The following KIF1B variants were observed in gnomAD, a reference collection of about 807,000 sequenced individuals.
The protein encoded by KIF1B is kinesin-like protein KIF1B.
In KIF1B, 76 loss-of-function variants were observed where a neutral mutation model predicts 241.9. The ratio of observed to expected loss-of-function variants is 0.31; its 90% confidence interval spans 0.26 to 0.38. KIF1B has a LOEUF of 0.38. KIF1B is among the 10% of genes least tolerant of loss of function. The pLI is 1.00. For missense variants in KIF1B, 1,622 were observed against 2,271.4 expected, an observed-to-expected ratio of 0.71 and a Z score of 5.81; for synonymous variants, 750 against 796.7, an observed-to-expected ratio of 0.94 and a Z score of 0.99.
chr1:10,276,376 C>T lies in KIF1B; in HGVS notation c.1014C>T (p.Tyr338=), dbSNP rs150411706. 3.4e-4 allele frequency: 552 copies of T among 1,613,540 alleles called. 2 individuals are homozygous for T. Among genetic ancestry groups the T allele is most frequent in the Non-Finnish European group, 4.4e-4 (520 of 1,179,700 alleles). The change falls in exon 12 of 49, where the codon TAC becomes TAT. Residue 338 remains tyrosine, a synonymous_variant. Transcript: ENST00000676179. ...VAALSPADIN[Y]DETLSTLRYA... ...CTCTGAGCCCCGCGGATATCAACTACGATGAGACTTTGAGCACTCTGAGGT... is the reference window on the plus strand; with the variant it reads ...CTCTGAGCCCCGCGGATATCAACTATGATGAGACTTTGAGCACTCTGAGGT...
At chr1:10,239,232 G>A (rs1390455896) in intron 2 of KIF1B, among the ~76,000 whole-genome samples, 2 of 152,162 alleles carry the variant, frequency 1.3e-5, no homozygotes, top group African/African-American at 2.4e-5. Flanking sequence ...ACAGACACAA[G>A]CAAAATTATT....
At chr1:10,342,226 A>G (rs547895599) in intron 33 of KIF1B, 58 bp downstream of exon 33, 50 of 1,050,010 alleles carry the variant, frequency 4.8e-5, no homozygotes, top group African/African-American at 9.4e-5. Flanking sequence ...TAGTTTCTCA[A>G]TTGCTGGAAA....
intron 24 of KIF1B, among the ~76,000 whole-genome samples, chr1:10,322,473 A>G (rs953917086): frequency 1.3e-5 from 2 of 152,214 alleles, no homozygotes; most frequent in African/African-American, 2.4e-5. Context: ...GTAAAAGGCA[A>G]TAAATGTTAT....
intron 2 of KIF1B, among the ~76,000 whole-genome samples, chr1:10,245,934 C>A (rs6696056): frequency 0.35 from 52,655 of 151,984 alleles, 9,273 homozygotes; most frequent in Middle Eastern, 0.39. Flanking sequence ...TTACCTCCTT[C>A]GGTTAAAGTC....
chr1:10,327,452 G>A (rs999329376), intron 27 of KIF1B, among the ~76,000 whole-genome samples: 1 of 147,636 alleles, frequency 6.8e-6, no homozygotes, highest in Non-Finnish European at 1.5e-5. Context: ...AGTGAGACAA[G>A]ATTGCACAAC....
chr1:10,339,624 G>A, intron 31 of KIF1B, 145 bp from the exon 32 acceptor site: 2 of 732,648 alleles, frequency 2.7e-6, no homozygotes, highest in Non-Finnish European at 4.6e-6. Flanking sequence ...TATGGAAAAG[G>A]TTCTTGACAA....
chr1:10,319,414 A>G (rs560233125), intron 22 of KIF1B, among the ~76,000 whole-genome samples: 11 of 152,124 alleles, frequency 7.2e-5, no homozygotes, highest in Non-Finnish European at 1.6e-4. Context: ...AATCCATCTT[A>G]TAGTTGCATA....
At chr1:10,236,754 G>C (rs530748769) in intron 2 of KIF1B, among the ~76,000 whole-genome samples, 12 of 150,944 alleles carry the variant, frequency 7.9e-5, no homozygotes, top group Non-Finnish European at 1.8e-4. Flanking sequence ...TGACTAATAT[G>C]TATGCCAAGT....
intron 43 of KIF1B, among the ~76,000 whole-genome samples, chr1:10,366,485 G>A (rs1045865549): frequency 2.0e-5 from 3 of 151,520 alleles, no homozygotes; most frequent in African/African-American, 2.4e-5. Flanking sequence ...GGTGTCTTGC[G>A]TGATCAGGAG....
At chr1:10,358,102 CAAAAA>C (rs541043240) in intron 38 of KIF1B, among the ~76,000 whole-genome samples, 3 of 85,156 alleles carry the variant, frequency 3.5e-5, no homozygotes, top group Admixed American at 1.4e-4. Context: ...AAGTCCAAAG[CAAAAA>C]AAAAAAAAAA....
At chr1:10,227,371 T>C (rs748960128) in intron 1 of KIF1B, among the ~76,000 whole-genome samples, 1 of 152,162 alleles carries the variant, frequency 6.6e-6, no homozygotes, top group Admixed American at 6.5e-5. Flanking sequence ...TCCCCAATTA[T>C]GCTATTTGTT....
intron 1 of KIF1B, among the ~76,000 whole-genome samples, chr1:10,217,225 C>T (rs1023739099): frequency 6.6e-5 from 10 of 151,738 alleles, no homozygotes; most frequent in African/African-American, 2.4e-4. Flanking sequence ...CCGCCCGCCT[C>T]TGCCTTCCAA....
rs1638956975 is a variant in KIF1B at position 10,378,948 on chromosome 1, A to G, written c.*2361A>G. The G allele has an allele frequency of 4.3e-6, 1 of 233,198 alleles. No individual in the cohort carries two copies. Among genetic ancestry groups the G allele is most frequent in the African/African-American group, 2.2e-5 (1 of 45,294 alleles). The allele number at this position is 233,198 out of a possible 1,614,324, so 14.4% of individuals were successfully genotyped here. On this transcript the variant is annotated 3_prime_UTR_variant, in exon 49 of 49. Transcript: ENST00000676179. ...TGATGTTATTTGTTTTCTAAGTGGT[A>G]TGTGAGATTTTCTAATGTAGTTAGA...
At position 10,297,333 on chromosome 1, in the gene KIF1B, A is replaced by G. The variant is rs1026979563; in HGVS notation, c.2115+87A>G. 3 of 1,157,178 alleles carry G rather than the reference A, an allele frequency of 2.6e-6. No individual in the cohort carries two copies. The African/African-American group carries it at 4.6e-5, about 18-fold the overall frequency. The allele number at this position is 1,157,178 out of a possible 1,614,324, so 71.7% of individuals were successfully genotyped here. ...GTTCCACAGAGCAGTACTCACCCAAATTGCTTCTGTCTCAATGATACCAAG... is the reference window on the plus strand; with the variant it reads ...GTTCCACAGAGCAGTACTCACCCAAGTTGCTTCTGTCTCAATGATACCAAG... On this transcript the variant is annotated intron_variant, in intron 22 of 48. Transcript: ENST00000676179.
chr1:10,267,295 T>C (rs963003336), intron 5 of KIF1B, 85 bp from the exon 6 acceptor site: 16 of 1,177,756 alleles, frequency 1.4e-5, no homozygotes, highest in Non-Finnish European at 1.9e-5. Flanking sequence ...CCCAAAGTGC[T>C]GGGATTACAG....
Position 10,303,335 on chromosome 1 carries a change from T to C in KIF1B, c.2115+6089T>C. The C allele has an allele frequency of 6.2e-7, 1 of 1,614,182 alleles. No homozygotes were observed. The highest frequency in any genetic ancestry group is 2.2e-5 in the East Asian group (1 of 44,882). The stretch of plus-strand genomic sequence containing the variant: ...CGTGAACCAATTAAAATGTATCAGA[T>C]ACCCCAAAGAAGGCGCTTGAGTAAA... On this transcript the variant is annotated intron_variant, in intron 22 of 48. Transcript: ENST00000676179. The surrounding 1 kb of genome is among the most constrained non-coding windows in gnomAD (Gnocchi z 5.2).
At position 10,337,474 on chromosome 1, in the gene KIF1B, A is replaced by G. The variant is rs1452089394; in HGVS notation, c.3363A>G (p.Val1121=). The G allele has an allele frequency of 6.2e-7, 1 of 1,614,198 alleles. No homozygotes were observed. Among genetic ancestry groups the G allele is most frequent in the Admixed American group, 1.7e-5 (1 of 60,020 alleles). Residue 1121 remains valine (V), a synonymous_variant, in exon 31 of 49, where the codon GTA becomes GTG. Transcript: ENST00000676179. This position sits in a 1 kb window ranked among gnomAD's most constrained non-coding sequence, Gnocchi z 4.0. ...TGGGCAGTGCCTTCACTTTCCGAGT[A>G]ACAGTGTTGCAGGCCAGTGGAATCC... ...LKLGSAFTFR[V]TVLQASGILP... is the part of the protein sequence containing the mutation.
intron 3 of KIF1B, among the ~76,000 whole-genome samples, chr1:10,257,405 G>T (rs1647855968): frequency 6.6e-6 from 1 of 151,212 alleles, no homozygotes; most frequent in South Asian, 2.1e-4. Flanking sequence ...ACCCAGGGAG[G>T]TGGAGGTTGC....
chr1:10,276,605 A>T (rs554485144), intron 12 of KIF1B, among the ~76,000 whole-genome samples: 10 of 152,326 alleles, frequency 6.6e-5, no homozygotes, highest in African/African-American at 2.4e-4. Context: ...ACTGGGAAAG[A>T]TATGAACTTT....
Sources: gnomAD v4.1 joint callset for allele counts (sites outside exome capture counted in the v4.1 genomes callset) on GRCh38, gnomAD v4.1.1 for gene constraint, Gnocchi (gnomAD v3.1) non-coding constraint, MANE v1.5 for transcripts, NCBI Gene and HGNC (gene_info 2026-07-23, HGNC 2026-07-21) for gene names.